QRICH1: variants seen among roughly 807,000 people sequenced by gnomAD.
QRICH1 encodes the protein glutamine rich 1.
A neutral mutation model predicts 87.1 loss-of-function variants in QRICH1; 16 were observed. The ratio of observed to expected loss-of-function variants is 0.18; its 90% CI spans 0.12 to 0.28. QRICH1 has a LOEUF of 0.28. Ranked by LOEUF, QRICH1 falls within the 10% of genes least tolerant of loss-of-function variation. The pLI is 1.00. For synonymous variants in QRICH1, 367 were observed against 368.4 expected, an observed-to-expected ratio of 1.00 and a Z score of 0.05; for missense variants, 647 against 951.7, an observed-to-expected ratio of 0.68 and a Z score of 4.21.
intron 5 of QRICH1, among the ~76,000 whole-genome samples, chr3:49,045,094 C>T (rs1241593917): frequency 1.3e-5 from 2 of 152,134 alleles, no homozygotes; most frequent in African/African-American, 2.4e-5. Context: ...TCCACCTCTG[C>T]TCCCTTGAAC....
At chr3:49,058,007 G>C in intron 2 of QRICH1, 117 bp from the exon 3 acceptor site, 1 of 1,542,114 alleles carries the variant, frequency 6.5e-7, no homozygotes, top group South Asian at 1.2e-5. Context: ...GAAAACACTG[G>C]CATACTCAAG....
intron 6 of QRICH1, among the ~76,000 whole-genome samples, chr3:49,036,026 C>A (rs2093273379): frequency 6.6e-6 from 1 of 151,914 alleles, no homozygotes; most frequent in African/African-American, 2.4e-5. Context: ...GTAGAAGTTG[C>A]AGTGAGGCAA....
intron 6 of QRICH1, among the ~76,000 whole-genome samples, chr3:49,034,017 A>C (rs113519699): frequency 0.06 from 9,082 of 151,750 alleles, 382 homozygotes; most frequent in Non-Finnish European, 0.088. Context: ...AACAAAAAAA[A>C]CAAAAAAAAC....
At position 49,044,517 on chromosome 3, in the gene QRICH1, CAATT is replaced by C. The variant is rs1164315125; in HGVS notation, c.1672-17_1672-14del. The C allele has an allele frequency of 6.4e-7, 1 of 1,551,332 alleles. No homozygotes were observed. Among genetic ancestry groups the C allele is most frequent in the Admixed American group, 1.7e-5 (1 of 58,514 alleles). ...TTTCAAAAAGATACTAAAAGAAAAA[CAATT>C]AATAGAAGTTATTGGTAGTCTCCTG... On this transcript the variant is annotated splice_polypyrimidine_tract_variant and intron_variant, in intron 5 of 9. Coordinates refer to ENST00000395443, the MANE Select transcript of QRICH1 (RefSeq NM_198880.3).
chr3:49,090,453 C>T (rs1233384379), intron 1 of QRICH1, among the ~76,000 whole-genome samples: 2 of 108,408 alleles, frequency 1.8e-5, no homozygotes, highest in African/African-American at 3.4e-5. Flanking sequence ...AGCGAGACTA[C>T]GTCTCAAAAA....
At chr3:49,047,423 G>C (rs1224373882) in intron 3 of QRICH1, among the ~76,000 whole-genome samples, 177 bp from the exon 4 acceptor site, 2 of 151,420 alleles carry the variant, frequency 1.3e-5, no homozygotes, top group African/African-American at 4.9e-5. Context: ...GACAGCAAAA[G>C]CAGCACTGCA....
chr3:49,033,093 C>T (rs1436234976), intron 7 of QRICH1, 27 bp downstream of exon 7: 1 of 1,428,320 alleles, frequency 7.0e-7, no homozygotes, highest in East Asian at 2.5e-5. Flanking sequence ...GGACAGATGC[C>T]AGCAGTGGAG....
intron 1 of QRICH1, among the ~76,000 whole-genome samples, chr3:49,090,929 G>C (rs2042264109): frequency 1.3e-5 from 2 of 152,128 alleles, no homozygotes; most frequent in African/African-American, 4.8e-5. Flanking sequence ...TAACAGAAAA[G>C]AACAGGTAAT....
In QRICH1 at chr3:49,057,798, C is replaced by G; in HGVS notation, c.402G>C (p.Gln134His). ...CCTGGCCTTGGATCTGCACCTGGAC[C>G]TGGATGGGTTGCTCAGTAGGCTGGT... Reference protein sequence around the residue: ...TVHQPTEQPIQVQVQIQGQAP... With the variant: ...TVHQPTEQPIHVQVQIQGQAP... The change falls in exon 3 of 10, where the codon CAG becomes CAC. Residue 134 changes from glutamine to histidine, a missense_variant. Coordinates refer to ENST00000395443, the MANE Select transcript of QRICH1 (RefSeq NM_198880.3). The surrounding 1 kb of genome is among the most constrained non-coding windows in gnomAD (Gnocchi z 5.4). 6.2e-7 allele frequency: 1 copy of G among 1,614,086 alleles called. No individual in the cohort carries two copies. Among genetic ancestry groups the G allele is most frequent in the Non-Finnish European group, 8.5e-7 (1 of 1,180,016 alleles).
intron 2 of QRICH1, among the ~76,000 whole-genome samples, chr3:49,058,419 C>T (rs1213508888): frequency 6.6e-6 from 1 of 151,826 alleles, no homozygotes; most frequent in Non-Finnish European, 1.5e-5. Flanking sequence ...CTCCACCTCT[C>T]AGGCTCAAGC....
intron 2 of QRICH1, among the ~76,000 whole-genome samples, chr3:49,071,452 A>G (rs534928918): frequency 1.3e-5 from 2 of 152,308 alleles, no homozygotes; most frequent in East Asian, 3.9e-4. Flanking sequence ...TGGGTGGCTC[A>G]GCTGAACTCA....
At chr3:49,049,005 G>A (rs1272140033) in intron 3 of QRICH1, among the ~76,000 whole-genome samples, 2 of 150,754 alleles carry the variant, frequency 1.3e-5, no homozygotes, top group Non-Finnish European at 3.0e-5. Context: ...AGGTTCAAAC[G>A]ATTCTCCTTT....
rs766527480 is a variant in QRICH1 at position 49,057,908 on chromosome 3, C to T, written c.310-18G>A. The T allele has an allele frequency of 1.9e-6, 3 of 1,613,944 alleles. No individual in the cohort carries two copies. The South Asian group carries it at 3.3e-5, about 18-fold the overall frequency. On this transcript the variant is annotated intron_variant, in intron 2 of 9. Coordinates refer to ENST00000395443, the MANE Select transcript of QRICH1 (RefSeq NM_198880.3). The surrounding 1 kb of genome is among the most constrained non-coding windows in gnomAD (Gnocchi z 5.4). Reference sequence around the variant, plus strand: ...ACCTGGACCTGTAAGCAACAAGATTCATCAGTGAGTGAACCAGGCAGCACT... The same window carrying T: ...ACCTGGACCTGTAAGCAACAAGATTTATCAGTGAGTGAACCAGGCAGCACT...
intron 2 of QRICH1, among the ~76,000 whole-genome samples, chr3:49,066,672 T>C (rs1404714791): frequency 6.6e-6 from 1 of 152,062 alleles, no homozygotes; most frequent in African/African-American, 2.4e-5. Context: ...CACAAAGGCA[T>C]GAGCCACTGC....
chr3:49,072,972 G>C (rs552298060), intron 2 of QRICH1, among the ~76,000 whole-genome samples: 1 of 152,104 alleles, frequency 6.6e-6, no homozygotes, highest in East Asian at 1.9e-4. Flanking sequence ...AGCCCAGGAG[G>C]TAGAGGCTGC....
At chr3:49,054,124 A>T (rs2093387617) in intron 3 of QRICH1, among the ~76,000 whole-genome samples, 1 of 152,192 alleles carries the variant, frequency 6.6e-6, no homozygotes, top group Non-Finnish European at 1.5e-5. Flanking sequence ...AATCAGATAC[A>T]GCCTCTGAAG....
chr3:49,056,281 T>C (rs1463142706), intron 3 of QRICH1, among the ~76,000 whole-genome samples: 2 of 152,140 alleles, frequency 1.3e-5, no homozygotes, highest in South Asian at 2.1e-4. Context: ...GCCGCCCCCG[T>C]AACACAAAAA....
At chr3:49,072,896 G>C (rs894478579) in intron 2 of QRICH1, among the ~76,000 whole-genome samples, 3 of 151,998 alleles carry the variant, frequency 2.0e-5, no homozygotes, top group Admixed American at 6.6e-5. Context: ...GAAAAAATTA[G>C]CTGGGCATGG....
chr3:49,052,118 CCTAGA>C (rs57305230), intron 3 of QRICH1, among the ~76,000 whole-genome samples: 92 of 152,132 alleles, frequency 6.0e-4, no homozygotes, highest in Non-Finnish European at 8.8e-4. Context: ...GTACTGGTGG[CCTAGA>C]CTATAGTGGT....
Sources: allele counts gnomAD v4.1 joint callset (sites outside exome capture counted in the v4.1 genomes callset), GRCh38; gene constraint gnomAD v4.1.1; non-coding constraint Gnocchi (gnomAD v3.1); transcripts MANE v1.5; gene names NCBI Gene and HGNC (gene_info 2026-07-23, HGNC 2026-07-21).